Variants in BTK observed in about 807,000 individuals in gnomAD.
The protein encoded by BTK is tyrosine-protein kinase BTK.
BTK carries 5 observed loss-of-function variants against 57.4 expected under a neutral mutation model. The observed-to-expected ratio is 0.09, with a 90% CI of 0.05 to 0.18. The LOEUF is 0.18. BTK is among the 10% of genes least tolerant of loss of function. The pLI is 1.00. For synonymous variants in BTK, 154 were observed against 174.3 expected, an observed-to-expected ratio of 0.88 and a Z score of 0.92; for missense variants, 194 against 501.2, an observed-to-expected ratio of 0.39 and a Z score of 5.85.
intron 1 of BTK, among the ~76,000 whole-genome samples, chrX:101,384,676 C>A (rs1168647389): frequency 9.0e-6 from 1 of 110,729 alleles, no homozygotes; most frequent in Non-Finnish European, 1.9e-5. Flanking sequence ...GACTTCAACA[C>A]AAGCAAGCAG....
chrX:101,358,619 T>C lies in BTK; in HGVS notation c.972A>G (p.Thr324=). The C allele has an allele frequency of 8.3e-7, 1 of 1,209,106 alleles. No individual in the cohort carries two copies. The highest frequency in any genetic ancestry group is 1.8e-5 in the South Asian group (1 of 56,896). The stretch of plus-strand genomic sequence containing the variant: ...GGCCTTGGAATAGTAGCACTCACCC[T>C]GTGGATTTAGCAAACACAGACACTG... ...KYTVSVFAKS[T]GDPQGVIRHY... is the part of the protein sequence containing the mutation. Residue 324 remains threonine, a splice_region_variant and synonymous_variant, in exon 11 of 19, where the codon ACA becomes ACG. Coordinates refer to ENST00000308731, the MANE Select transcript of BTK (RefSeq NM_000061.3).
intron 5 of BTK, among the ~76,000 whole-genome samples, chrX:101,365,537 G>A (rs1485289625): frequency 7.1e-5 from 8 of 112,064 alleles, no homozygotes; most frequent in Non-Finnish European, 9.4e-5. Context: ...GGGAGGGCTG[G>A]GGGAGACTGC....
intron 1 of BTK, among the ~76,000 whole-genome samples, chrX:101,385,516 G>T (rs1217784360): frequency 8.9e-6 from 1 of 112,200 alleles, no homozygotes; most frequent in East Asian, 2.8e-4. Flanking sequence ...TGACCCTGGC[G>T]ACATTTGGCC....
At position 101,353,070 on chromosome X, in the gene BTK, TA is replaced by T. The variant is rs376521920; in HGVS notation, c.1908+123del. On this transcript the variant is annotated intron_variant, in intron 18 of 18. Coordinates refer to ENST00000308731, the MANE Select transcript of BTK (RefSeq NM_000061.3). ...GAAAGAGCGAGACCTTGTCTCAAAT[TA>T]AAAAAAAAAAAAAAGGAAAAAAAAG... The T allele has an allele frequency of 0.25, 115,105 of 466,960 alleles. 313 individuals are homozygous for T. Among genetic ancestry groups the T allele is most frequent in the East Asian group, 0.35 (7,475 of 21,424 alleles). 38.5% of individuals were successfully genotyped at this position (466,960 alleles called of 1,213,427 possible). A position where few individuals can be genotyped will look rare whatever the true frequency, so the allele number is the denominator to read the frequency against.
At chrX:101,381,035 T>TTATA (rs1405538650) in intron 1 of BTK, among the ~76,000 whole-genome samples, 1 of 104,363 alleles carries the variant, frequency 9.6e-6, no homozygotes, top group East Asian at 2.9e-4. Flanking sequence ...AAAAGAAAAT[T>TTATA]TATATATATA....
intron 1 of BTK, among the ~76,000 whole-genome samples, chrX:101,382,726 T>G (rs1250061131): frequency 8.9e-6 from 1 of 111,936 alleles, no homozygotes; most frequent in African/African-American, 3.2e-5. Flanking sequence ...GGTAATACTT[T>G]CAATATTCTC....
chrX:101,377,179 T>C (rs1927241665), intron 1 of BTK, among the ~76,000 whole-genome samples: 1 of 111,570 alleles, frequency 9.0e-6, no homozygotes, highest in African/African-American at 3.3e-5. Context: ...GACAAATTGA[T>C]GAGTTTACAA....
In BTK at chrX:101,382,189, T is replaced by C. The variant is rs1480694646; in HGVS notation, c.-31+3873A>G. On this transcript the variant is annotated intron_variant, in intron 1 of 18. Transcript: ENST00000308731. ...AGTCAAGGCTACAGGGGACCAAATT[T>C]GTGATGAAGGCATCAAGCCAAACTC... Among the ~76,000 whole-genome samples the C allele has an allele frequency of 5.4e-5, 6 of 110,831 alleles. No homozygotes were observed. The Admixed American group carries it at 5.8e-4, about 11-fold the overall frequency.
At chrX:101,357,695 A>G in intron 12 of BTK, 112 bp from the exon 13 acceptor site, 1 of 652,827 alleles carries the variant, frequency 1.5e-6, no homozygotes, top group Non-Finnish European at 2.6e-6. Context: ...GTACATTTTG[A>G]ATCCCAGAAG....
chrX:101,382,492 C>T (rs1299974130), intron 1 of BTK, among the ~76,000 whole-genome samples: 9 of 110,492 alleles, frequency 8.1e-5, no homozygotes, highest in Non-Finnish European at 1.3e-4. Context: ...ACACCTGCCT[C>T]GGCCTCCCAA....
At chrX:101,385,484 CAGTCCTTTAATA>C (rs1488858873) in intron 1 of BTK, among the ~76,000 whole-genome samples, 1 of 112,271 alleles carries the variant, frequency 8.9e-6, no homozygotes, top group Non-Finnish European at 1.9e-5. Flanking sequence ...AGCTTCCACA[CAGTCCTTTAATA>C]AGCCAGCTCT....
intron 1 of BTK, among the ~76,000 whole-genome samples, chrX:101,379,314 C>T (rs782366797): frequency 2.7e-5 from 3 of 111,200 alleles, no homozygotes; most frequent in Admixed American, 9.5e-5. Context: ...ACTACTTAGC[C>T]AAAATATCCA....
At chrX:101,351,619 T>C (rs1259352119) in intron 18 of BTK, among the ~76,000 whole-genome samples, 1 of 110,420 alleles carries the variant, frequency 9.1e-6, no homozygotes, top group Admixed American at 9.7e-5. Flanking sequence ...CTCTGAAGAG[T>C]TGAGCATTTA....
At position 101,356,134 on chromosome X, in the gene BTK, G is replaced by C; in HGVS notation, c.1484C>G (p.Thr495Ser). The C allele has an allele frequency of 8.3e-7, 1 of 1,211,356 alleles. No individual in the cohort carries two copies. Among genetic ancestry groups the C allele is most frequent in the Non-Finnish European group, 1.1e-6 (1 of 895,477 alleles). ...YLREMRHRFQ[T>S]QQLLEMCKDV... Reference sequence around the variant, plus strand: ...CTTGCACATCTCTAGCAGCTGCTGAGTCTGGAAGCGGTGGCGCATCTCCCT... The same window carrying C: ...CTTGCACATCTCTAGCAGCTGCTGACTCTGGAAGCGGTGGCGCATCTCCCT... The change falls in exon 15 of 19, where the codon ACT becomes AGT. Residue 495 changes from threonine (T) to serine (S), a missense_variant. Thr to Ser is a moderately conservative substitution (Grantham distance 58). Transcript: ENST00000308731.
chrX:101,369,001 A>G (rs782470070), intron 5 of BTK, among the ~76,000 whole-genome samples: 23 of 112,219 alleles, frequency 2.0e-4, no homozygotes, highest in Non-Finnish European at 4.3e-4. Context: ...CCTGATGTCA[A>G]CTCAACCAGT....
At chrX:101,368,525 T>C (rs1437370485) in intron 5 of BTK, among the ~76,000 whole-genome samples, 2 of 111,984 alleles carry the variant, frequency 1.8e-5, no homozygotes, top group Non-Finnish European at 3.8e-5. Context: ...TTGCATAACA[T>C]CTTTGAGCTT....
chrX:101,369,472 T>G lies in BTK; in HGVS notation c.391+526A>C, dbSNP rs781951820. On this transcript the variant is annotated intron_variant, in intron 5 of 18. Transcript: ENST00000308731. ...TCAAGCACTCTCATACATCATCTATTTAATTTTTTGGAGCTAGGTATTTTA... is the reference window on the plus strand; with the variant it reads ...TCAAGCACTCTCATACATCATCTATGTAATTTTTTGGAGCTAGGTATTTTA... 8.2e-4 allele frequency among the ~76,000 whole-genome samples: 92 copies of G among 111,899 alleles called. 1 individual carries two copies. The highest frequency in any genetic ancestry group is 2.4e-4 in the Non-Finnish European group (13 of 53,133).
At chrX:101,384,813 A>G (rs2238984) in intron 1 of BTK, among the ~76,000 whole-genome samples, 36,397 of 110,342 alleles carry the variant, frequency 0.33, 7,178 homozygotes, top group African/African-American at 0.75. Context: ...AAGTGACATT[A>G]TTTTATCAAA....
At chrX:101,353,400 G>A in intron 17 of BTK, 49 bp from the exon 18 acceptor site, 1 of 1,113,015 alleles carries the variant, frequency 9.0e-7, no homozygotes, top group Non-Finnish European at 1.2e-6. Context: ...TTTTTGGATA[G>A]CAGGGGTCCT....
Sources: gnomAD v4.1 joint callset for allele counts (sites outside exome capture counted in the v4.1 genomes callset) on GRCh38, gnomAD v4.1.1 for gene constraint, MANE v1.5 for transcripts, NCBI Gene and HGNC (gene_info 2026-07-23, HGNC 2026-07-21) for gene names.